NBAS: variants seen among roughly 807,000 people sequenced by gnomAD.
The protein encoded by NBAS is NBAS subunit of NRZ tethering complex, also known as NAG/BC035112 fusion.
A neutral mutation model predicts 302.5 loss-of-function variants in NBAS; 219 were observed. That is an observed-to-expected ratio of 0.72 (90% CI 0.65 to 0.81). The LOEUF is 0.81. Ranked by LOEUF, NBAS falls within the 30% of genes least tolerant of loss-of-function variation. The probability of loss-of-function intolerance (pLI) is 0.00; values close to 1 mark genes in which losing one functional copy is unlikely to be tolerated. For missense variants in NBAS, 2,932 were observed against 2,841.6 expected (o/e 1.03, Z -0.72); for synonymous variants, 1,118 against 1,021.6 (o/e 1.09, Z -1.80).
rs75274475 is a variant in NBAS at position 15,356,139 on chromosome 2, A to G, written c.3931+164T>C. The stretch of plus-strand genomic sequence containing the variant: ...AATCTGTTAAAATGTTTACATTAAC[A>G]TATAAGTACACAGCCTATATACTTA... On this transcript the variant is annotated intron_variant, in intron 33 of 51. Transcript: ENST00000281513. 3.3e-5 allele frequency among the ~76,000 whole-genome samples: 5 copies of G among 152,368 alleles called. No homozygotes were observed. In the East Asian group the frequency reaches 9.6e-4, roughly 29 times the overall value.
chr2:14,847,382 T>TAAAAAAAAAAAAA, the NBAS span, among the ~76,000 whole-genome samples: 4 of 53,168 alleles, frequency 7.5e-5, no homozygotes, highest in East Asian at 7.3e-4. Flanking sequence ...GACTCTATCT[T>TAAAAAAAAAAAAA]AAAAAAAAAA....
chr2:15,100,400 G>C, the NBAS span, among the ~76,000 whole-genome samples: 4 of 152,286 alleles, frequency 2.6e-5, no homozygotes, highest in Middle Eastern at 3.4e-3. Context: ...GGCTGTCATG[G>C]CAAAGAAACA....
At chr2:14,785,227 G>T in the NBAS span, among the ~76,000 whole-genome samples, 2 of 152,008 alleles carry the variant, frequency 1.3e-5, no homozygotes, top group African/African-American at 2.4e-5. Context: ...GGGCTGAGAC[G>T]ATGGGTTTTT....
the NBAS span, among the ~76,000 whole-genome samples, chr2:14,878,198 A>G: frequency 2.2e-4 from 34 of 152,296 alleles, no homozygotes; most frequent in Middle Eastern, 6.8e-3. Flanking sequence ...CAACTGGCAA[A>G]CAGACTTTAA....
chr2:15,353,147 C>T (rs929924212), intron 34 of NBAS, among the ~76,000 whole-genome samples: 12 of 152,122 alleles, frequency 7.9e-5, no homozygotes, highest in Admixed American at 3.9e-4. Context: ...AGCATCCCCC[C>T]CAACCAAAGC....
At chr2:15,304,372 T>C (rs1670938160) in intron 40 of NBAS, among the ~76,000 whole-genome samples, 1 of 152,188 alleles carries the variant, frequency 6.6e-6, no homozygotes, top group African/African-American at 2.4e-5. Flanking sequence ...GTGAGTCAAT[T>C]AAAACTCTTT....
rs185362940 is a variant in NBAS at position 15,449,319 on chromosome 2, T to G, written c.2339+11882A>C. On this transcript the variant is annotated intron_variant, in intron 21 of 51. Transcript: ENST00000281513. Reference sequence around the variant, plus strand: ...CCCTAAAAGCAAAATAATCCCTTTCTGCTTATCTCATGAACATGCTATGTG... The same window carrying G: ...CCCTAAAAGCAAAATAATCCCTTTCGGCTTATCTCATGAACATGCTATGTG... 2.2e-3 allele frequency among the ~76,000 whole-genome samples: 334 copies of G among 152,316 alleles called. 3 individuals carry two copies. Among genetic ancestry groups the G allele is most frequent in the Non-Finnish European group, 2.0e-3 (138 of 68,016 alleles).
the NBAS span, among the ~76,000 whole-genome samples, chr2:15,030,690 A>G: frequency 6.6e-6 from 1 of 152,182 alleles, no homozygotes; most frequent in African/African-American, 2.4e-5. Flanking sequence ...AATCATTAAT[A>G]CAGCTTTTGG....
At chr2:15,107,679 T>C in the NBAS span, among the ~76,000 whole-genome samples, 8 of 152,190 alleles carry the variant, frequency 5.3e-5, no homozygotes, top group Non-Finnish European at 1.2e-4. Flanking sequence ...AAAAATTAAC[T>C]TTATTAAGCT....
chr2:15,053,654 C>G, the NBAS span, among the ~76,000 whole-genome samples: 12 of 152,064 alleles, frequency 7.9e-5, no homozygotes, highest in Non-Finnish European at 1.6e-4. Context: ...CCCCTGCAGA[C>G]CCGGGGGGAT....
chr2:15,250,263 C>G (rs914174048), intron 44 of NBAS, among the ~76,000 whole-genome samples: 1 of 152,228 alleles, frequency 6.6e-6, no homozygotes, highest in Non-Finnish European at 1.5e-5. Flanking sequence ...TAGGCATATG[C>G]AGAAAGCTGA....
At chr2:15,028,790 G>A in the NBAS span, among the ~76,000 whole-genome samples, 1 of 152,262 alleles carries the variant, frequency 6.6e-6, no homozygotes, top group East Asian at 1.9e-4. Flanking sequence ...CCCAATCTCA[G>A]TTTTAAAGAA....
At chr2:15,007,170 T>G in the NBAS span, among the ~76,000 whole-genome samples, 2 of 152,190 alleles carry the variant, frequency 1.3e-5, no homozygotes, top group Non-Finnish European at 2.9e-5. Flanking sequence ...TTCATAGAAT[T>G]TGAACTAATT....
chr2:15,293,125 C>A (rs1459163430), intron 40 of NBAS, among the ~76,000 whole-genome samples: 1 of 152,208 alleles, frequency 6.6e-6, no homozygotes, highest in Non-Finnish European at 1.5e-5. Flanking sequence ...CACAGTAACT[C>A]ACTCTAGAAG....
chr2:15,165,978 C>T (rs963901227), downstream of NBAS, among the ~76,000 whole-genome samples: 5 of 151,916 alleles, frequency 3.3e-5, no homozygotes, highest in Admixed American at 6.6e-5. Context: ...AACGGCCCCC[C>T]GGTCACTCTG....
At chr2:14,821,053 T>C in the NBAS span, among the ~76,000 whole-genome samples, 5 of 152,192 alleles carry the variant, frequency 3.3e-5, no homozygotes, top group Non-Finnish European at 5.9e-5. Flanking sequence ...AAGCCTTCCA[T>C]GTAGCTGGGA....
chr2:15,532,180 A>G (rs1208725866), intron 9 of NBAS, among the ~76,000 whole-genome samples: 1 of 152,192 alleles, frequency 6.6e-6, no homozygotes, highest in Non-Finnish European at 1.5e-5. Flanking sequence ...AGTATCAGCT[A>G]CATAACCATA....
At chr2:14,907,815 A>G in the NBAS span, among the ~76,000 whole-genome samples, 1 of 152,208 alleles carries the variant, frequency 6.6e-6, no homozygotes, top group African/African-American at 2.4e-5. Context: ...ACTGGAAAGG[A>G]GTTAACTTTA....
chr2:15,312,144 ATCC>A (rs1484731884), intron 38 of NBAS, among the ~76,000 whole-genome samples: 2 of 152,122 alleles, frequency 1.3e-5, no homozygotes, highest in African/African-American at 2.4e-5. Flanking sequence ...TCCTCAGATG[ATCC>A]TCCTCTGTGT....
Sources: gnomAD v4.1 joint callset for allele counts (sites outside exome capture counted in the v4.1 genomes callset) on GRCh38, gnomAD v4.1.1 for gene constraint, MANE v1.5 for transcripts, NCBI Gene and HGNC (gene_info 2026-07-23, HGNC 2026-07-21) for gene names.